Variants in KCND3 observed in about 807,000 individuals in gnomAD.
The protein encoded by KCND3 is A-type voltage-gated potassium channel KCND3.
In KCND3, 9 loss-of-function variants were observed where a neutral mutation model predicts 51.1. The observed-to-expected ratio is 0.18, with a 90% CI of 0.11 to 0.31. The LOEUF is 0.31. KCND3 is among the 10% of genes least tolerant of loss of function. KCND3 has a pLI of 1.00. For missense variants in KCND3, 526 were observed against 903.8 expected, an observed-to-expected ratio of 0.58 and a Z score of 5.36; for synonymous variants, 349 against 368.0, an observed-to-expected ratio of 0.95 and a Z score of 0.59.
intron 2 of KCND3, among the ~76,000 whole-genome samples, chr1:111,814,177 C>A (rs142701440): frequency 6.6e-6 from 1 of 152,254 alleles, no homozygotes; most frequent in Non-Finnish European, 1.5e-5. Context: ...ACATATGCTA[C>A]GTGCCGGGCA....
intron 2 of KCND3, among the ~76,000 whole-genome samples, chr1:111,810,527 A>C (rs1665799760): frequency 6.6e-6 from 1 of 152,246 alleles, no homozygotes; most frequent in African/African-American, 2.4e-5. Flanking sequence ...CTGGAGAGAC[A>C]GCAGGTGTCT....
chr1:111,939,948 T>A (rs1408514866), intron 2 of KCND3, among the ~76,000 whole-genome samples: 1 of 152,226 alleles, frequency 6.6e-6, no homozygotes, highest in Non-Finnish European at 1.5e-5. Flanking sequence ...TGGTATCTCA[T>A]TGTGGTTTTG....
intron 2 of KCND3, among the ~76,000 whole-genome samples, chr1:111,883,161 C>T (rs1401452985): frequency 1.3e-5 from 2 of 152,212 alleles, no homozygotes; most frequent in African/African-American, 4.8e-5. Flanking sequence ...CCCCAACTCC[C>T]GTGGGCATAA....
At chr1:111,922,007 C>T (rs947570348) in intron 2 of KCND3, among the ~76,000 whole-genome samples, 10 of 152,210 alleles carry the variant, frequency 6.6e-5, no homozygotes, top group Non-Finnish European at 1.2e-4. Flanking sequence ...GCTACTGCAA[C>T]AGCCACGGTG....
At chr1:111,901,950 A>G (rs982057643) in intron 2 of KCND3, among the ~76,000 whole-genome samples, 2 of 152,192 alleles carry the variant, frequency 1.3e-5, no homozygotes. Flanking sequence ...TGAGGCCAGG[A>G]GAAGTTGAGG....
rs145170364 is a variant in KCND3 at position 111,984,713 on chromosome 1, C to A, written c.-72-1915G>T. 4.2e-3 allele frequency among the ~76,000 whole-genome samples: 637 copies of A among 152,316 alleles called. 2 individuals carry two copies. The highest frequency in any genetic ancestry group is 6.5e-3 in the Non-Finnish European group (445 of 68,022). On this transcript the variant is annotated intron_variant, in intron 1 of 7. Coordinates refer to ENST00000302127, the MANE Select transcript of KCND3 (RefSeq NM_001378969.1). ...TCATACTCCAGCCCAATGGCCCAGG[C>A]ACCCATCCTAGTATCCAGCAATAAG...
intron 2 of KCND3, among the ~76,000 whole-genome samples, chr1:111,828,457 C>G (rs1003175079): frequency 2.0e-5 from 3 of 152,154 alleles, no homozygotes; most frequent in South Asian, 2.1e-4. Context: ...CCAGTGCAAA[C>G]CCTTTGCCCT....
At chr1:111,870,417 T>C (rs1668779027) in intron 2 of KCND3, among the ~76,000 whole-genome samples, 1 of 152,214 alleles carries the variant, frequency 6.6e-6, no homozygotes, top group African/African-American at 2.4e-5. Flanking sequence ...GACGGAGACT[T>C]AGCTTGAACT....
At chr1:111,948,826 T>C (rs1571889960) in intron 2 of KCND3, among the ~76,000 whole-genome samples, 1 of 151,456 alleles carries the variant, frequency 6.6e-6, no homozygotes, top group African/African-American at 2.4e-5. Flanking sequence ...GAGGGAGGGA[T>C]AGGCGAGAAG....
At chr1:111,960,414 C>T (rs532792748) in intron 2 of KCND3, among the ~76,000 whole-genome samples, 1 of 152,332 alleles carries the variant, frequency 6.6e-6, no homozygotes, top group Non-Finnish European at 1.5e-5. Flanking sequence ...GCACATTCCT[C>T]CAAACAGAGA....
At chr1:111,859,640 T>C (rs1237755288) in intron 2 of KCND3, among the ~76,000 whole-genome samples, 1 of 152,190 alleles carries the variant, frequency 6.6e-6, no homozygotes, top group Non-Finnish European at 1.5e-5. Context: ...AAGTACTTCC[T>C]TGTGCCTACC....
At chr1:111,844,535 C>A (rs1434730115) in intron 2 of KCND3, among the ~76,000 whole-genome samples, 1 of 152,156 alleles carries the variant, frequency 6.6e-6, no homozygotes, top group African/African-American at 2.4e-5. Context: ...ACCACTCTAA[C>A]AACAGCTGTC....
At chr1:111,808,829 C>T (rs745675167) in intron 2 of KCND3, among the ~76,000 whole-genome samples, 3 of 152,342 alleles carry the variant, frequency 2.0e-5, no homozygotes, top group South Asian at 2.1e-4. Context: ...TGCTCTGCAG[C>T]GCCTGTTTAA....
intron 2 of KCND3, among the ~76,000 whole-genome samples, chr1:111,911,650 C>T (rs764488169): frequency 1.2e-4 from 18 of 152,278 alleles, no homozygotes; most frequent in East Asian, 1.2e-3. Context: ...ATATTGGGCA[C>T]GCTGCTTAAT....
intron 2 of KCND3, among the ~76,000 whole-genome samples, chr1:111,921,022 C>T (rs879320218): frequency 2.6e-5 from 4 of 152,108 alleles, no homozygotes; most frequent in African/African-American, 7.2e-5. Flanking sequence ...AGTGGGAATT[C>T]CAGGGGGAAG....
intron 2 of KCND3, among the ~76,000 whole-genome samples, chr1:111,818,893 C>T (rs1357175044): frequency 2.0e-5 from 3 of 152,136 alleles, no homozygotes; most frequent in African/African-American, 7.2e-5. Flanking sequence ...ACTTTTGTCC[C>T]GCAAAGAAGA....
intron 1 of KCND3, among the ~76,000 whole-genome samples, chr1:111,986,606 T>C (rs1675298783): frequency 6.6e-6 from 1 of 152,138 alleles, no homozygotes; most frequent in African/African-American, 2.4e-5. Flanking sequence ...CTCTGTAAAA[T>C]GAGAAGAATT....
chr1:111,776,019 C>T lies in KCND3; in HGVS notation c.*58G>A. ...AGGGAGTGGTCTCAGTGACCACCCA[C>T]CAACATGCCAGTCCCCTTCATTCCC... is the stretch of plus-strand genomic sequence containing the variant. On this transcript the variant is annotated 3_prime_UTR_variant, in exon 8 of 8. Transcript: ENST00000302127. The T allele has an allele frequency of 6.3e-7, 1 of 1,588,650 alleles. No individual in the cohort carries two copies. Among genetic ancestry groups the T allele is most frequent in the Non-Finnish European group, 8.6e-7 (1 of 1,157,134 alleles).
At chr1:111,892,121 G>A (rs1003706250) in intron 2 of KCND3, among the ~76,000 whole-genome samples, 2 of 152,194 alleles carry the variant, frequency 1.3e-5, no homozygotes, top group Non-Finnish European at 2.9e-5. Context: ...CCTAGAGAAG[G>A]GGCAGCTGGA....
Sources: allele counts gnomAD v4.1 joint callset (sites outside exome capture counted in the v4.1 genomes callset), GRCh38; gene constraint gnomAD v4.1.1; transcripts MANE v1.5; gene names NCBI Gene and HGNC (gene_info 2026-07-23, HGNC 2026-07-21).